The following ZDHHC18 variants were observed in gnomAD, a reference collection of about 807,000 sequenced individuals.
ZDHHC18 encodes zDHHC palmitoyltransferase 18.
Under a neutral mutation model 37.5 loss-of-function variants are expected in ZDHHC18, and 23 were observed. The ratio of observed to expected loss-of-function variants is 0.61; its 90% CI spans 0.44 to 0.87. The LOEUF (loss-of-function observed/expected upper bound fraction) is 0.87. Among genes scored for constraint, ZDHHC18 ranks in the 40% least tolerant of loss-of-function variants. The probability of loss-of-function intolerance (pLI) is 0.00; values close to 1 mark genes in which losing one functional copy is unlikely to be tolerated. For synonymous variants in ZDHHC18, 185 were observed against 218.7 expected (o/e 0.85, Z 1.36); for missense variants, 406 against 525.6 (o/e 0.77, Z 2.22).
chr1:26,848,547 T>G (rs537963714), intron 2 of ZDHHC18, 61 bp from the exon 3 acceptor site: 40 of 1,576,464 alleles, frequency 2.5e-5, no homozygotes, highest in Non-Finnish European at 3.3e-5. Context: ...TTTCCCCTGC[T>G]GGGGATCCGG....
intron 2 of ZDHHC18, among the ~76,000 whole-genome samples, chr1:26,835,123 AAG>A (rs2081605776): frequency 1.3e-5 from 2 of 152,316 alleles, no homozygotes; most frequent in African/African-American, 2.4e-5. Flanking sequence ...AAGCTGAGGG[AAG>A]AGAGAGTGGC....
rs2124265641 is a variant in ZDHHC18, at chr1:26,848,594, C to T, written c.497-14C>T. 2 of 1,604,842 alleles carry T rather than the reference C, an allele frequency of 1.2e-6. No homozygotes were observed. The highest frequency in any genetic ancestry group is 2.2e-5 in the East Asian group (1 of 44,560). On this transcript the variant is annotated splice_polypyrimidine_tract_variant and intron_variant, in intron 2 of 7. Transcript: ENST00000374142. Reference sequence around the variant, plus strand: ...CCTTGGGCATTCCCCATCTTTCTCTCCTCCTTCCCTCAGACAACACAGGCA... The same window carrying T: ...CCTTGGGCATTCCCCATCTTTCTCTTCTCCTTCCCTCAGACAACACAGGCA...
chr1:26,835,852 AGT>A (rs2081609124), intron 2 of ZDHHC18, among the ~76,000 whole-genome samples: 1 of 152,192 alleles, frequency 6.6e-6, no homozygotes, highest in South Asian at 2.1e-4. Flanking sequence ...TCATGTAGAC[AGT>A]GTGGGCTTTT....
intron 2 of ZDHHC18, among the ~76,000 whole-genome samples, chr1:26,847,133 G>C (rs2081673818): frequency 6.6e-6 from 1 of 152,058 alleles, no homozygotes; most frequent in African/African-American, 2.4e-5. Flanking sequence ...CTGACCTCAT[G>C]ATCCGCCCGC....
rs371056679 is a variant in ZDHHC18, at chr1:26,832,647, C to T, written c.496+40C>T. On this transcript the variant is annotated intron_variant, in intron 2 of 7. Transcript: ENST00000374142. ...CCCAGCTGAAGCTGGGTCTCCATAG[C>T]TCCACATTCCCTGACTTGGGAGGAG... The T allele has an allele frequency of 2.4e-4, 392 of 1,602,626 alleles. 1 individual carries two copies. Among genetic ancestry groups the T allele is most frequent in the South Asian group, 7.0e-4 (63 of 90,510 alleles).
chr1:26,830,791 G>A (rs1428980288), intron 1 of ZDHHC18, among the ~76,000 whole-genome samples: 3 of 151,904 alleles, frequency 2.0e-5, no homozygotes, highest in Non-Finnish European at 4.4e-5. Context: ...TGTTGTTGTT[G>A]TTGTTGTTGA....
At chr1:26,836,554 CTTTTT>C (rs113059850) in intron 2 of ZDHHC18, among the ~76,000 whole-genome samples, 2 of 149,060 alleles carry the variant, frequency 1.3e-5, no homozygotes, top group Middle Eastern at 3.2e-3. Context: ...ACCTTCATTT[CTTTTT>C]TTTTCTTTTT....
intron 2 of ZDHHC18, among the ~76,000 whole-genome samples, chr1:26,834,518 C>A (rs1032786963): frequency 6.6e-6 from 1 of 152,156 alleles, no homozygotes; most frequent in Admixed American, 6.5e-5. Flanking sequence ...CCTTCTTGAC[C>A]CCAGTTGGGC....
At chr1:26,840,854 C>T (rs1321396562) in intron 2 of ZDHHC18, among the ~76,000 whole-genome samples, 1 of 151,900 alleles carries the variant, frequency 6.6e-6, no homozygotes, top group Non-Finnish European at 1.5e-5. Flanking sequence ...CTAAACTTTC[C>T]CTTCAACTTT....
intron 1 of ZDHHC18, among the ~76,000 whole-genome samples, chr1:26,830,231 G>A (rs1437446772): frequency 6.6e-6 from 1 of 152,200 alleles, no homozygotes; most frequent in Non-Finnish European, 1.5e-5. Flanking sequence ...CTCCTTACCT[G>A]ATCAGGTGCT....
chr1:26,850,293 T>C lies in ZDHHC18; in HGVS notation c.647-8T>C. On this transcript the variant is annotated splice_region_variant and splice_polypyrimidine_tract_variant and intron_variant, in intron 3 of 7. Coordinates refer to ENST00000374142, the MANE Select transcript of ZDHHC18 (RefSeq NM_032283.3). The surrounding 1 kb of genome is among the most constrained non-coding windows in gnomAD (Gnocchi z 6.1). Reference sequence around the variant, plus strand: ...CACACTAACCCATCGCCCCTTGCCCTTGTCCAGAACGATTTGACCATCACT... The same window carrying C: ...CACACTAACCCATCGCCCCTTGCCCCTGTCCAGAACGATTTGACCATCACT... The C allele has an allele frequency of 6.2e-7, 1 of 1,614,010 alleles. No homozygotes were observed. The highest frequency in any genetic ancestry group is 8.5e-7 in the Non-Finnish European group (1 of 1,179,946).
At chr1:26,827,544 C>T (rs2081564335) in intron 1 of ZDHHC18, among the ~76,000 whole-genome samples, 1 of 151,970 alleles carries the variant, frequency 6.6e-6, no homozygotes, top group Non-Finnish European at 1.5e-5. Flanking sequence ...CATCCCTGGA[C>T]CATCTCTTGC....
intron 2 of ZDHHC18, among the ~76,000 whole-genome samples, chr1:26,839,108 C>G (rs761165195): frequency 7.9e-5 from 12 of 152,276 alleles, no homozygotes; most frequent in Non-Finnish European, 1.6e-4. Context: ...CTGCCTGCTC[C>G]TCTCCGAGAG....
At chr1:26,836,788 T>C (rs898562049) in intron 2 of ZDHHC18, among the ~76,000 whole-genome samples, 11 of 149,964 alleles carry the variant, frequency 7.3e-5, no homozygotes, top group African/African-American at 2.2e-4. Flanking sequence ...CAGGATGGTC[T>C]CGATCTCCTG....
chr1:26,853,813 T>G lies in ZDHHC18; in HGVS notation c.1137T>G (p.Pro379=). The G allele has an allele frequency of 6.2e-7, 1 of 1,614,022 alleles. No individual in the cohort carries two copies. Among genetic ancestry groups the G allele is most frequent in the East Asian group, 2.2e-5 (1 of 44,890 alleles). Residue 379 remains proline (P), a synonymous_variant, in exon 8 of 8, where the codon CCT becomes CCG. Coordinates refer to ENST00000374142, the MANE Select transcript of ZDHHC18 (RefSeq NM_032283.3). The stretch of plus-strand genomic sequence containing the variant: ...ATGAGCCAGCCTGCAGAGCCAAGCC[T>G]GATGCCAGCATGGTAGGAGGCCACC... ...RSDEPACRAK[P]DASMVGGHP is the part of the protein sequence containing the mutation.
chr1:26,844,092 T>C (rs71636785), intron 2 of ZDHHC18, among the ~76,000 whole-genome samples: 20,272 of 152,098 alleles, frequency 0.13, 1,473 homozygotes, highest in Non-Finnish European at 0.17. Context: ...CAGACTGGAG[T>C]GCAATGGCGT....
At chr1:26,852,682 C>T (rs2081711642) in intron 6 of ZDHHC18, 71 bp from the exon 7 acceptor site, 1 of 1,353,736 alleles carries the variant, frequency 7.4e-7, no homozygotes, top group African/African-American at 1.4e-5. Flanking sequence ...TTGTCCCCAG[C>T]CTCTAGACCT....
chr1:26,843,165 G>A (rs190673670), intron 2 of ZDHHC18, among the ~76,000 whole-genome samples: 21 of 146,236 alleles, frequency 1.4e-4, no homozygotes, highest in African/African-American at 2.8e-4. Context: ...TTTTTGAGAC[G>A]GAGTTTCGTT....
Position 26,826,726 on chromosome 1 carries a change from C to T in ZDHHC18, c.-79C>T, listed in dbSNP as rs981477231. ...GCGAGCGCCGCGCGCGCCGCCGCTG[C>T]CACCTCCGCTGCTCGGCCCGGTCCC... On this transcript the variant is annotated 5_prime_UTR_variant, in exon 1 of 8. Transcript: ENST00000374142. The surrounding 1 kb of genome is among the most constrained non-coding windows in gnomAD (Gnocchi z 5.2). The T allele has an allele frequency of 5.7e-6, 4 of 705,576 alleles. No homozygotes were observed. Among genetic ancestry groups the T allele is most frequent in the Non-Finnish European group, 6.9e-6 (4 of 576,704 alleles). 43.7% of individuals were successfully genotyped at this position (705,576 alleles called of 1,614,324 possible). A position where few individuals can be genotyped will look rare whatever the true frequency, so the allele number is the denominator to read the frequency against.
Sources: allele counts gnomAD v4.1 joint callset (sites outside exome capture counted in the v4.1 genomes callset), GRCh38; gene constraint gnomAD v4.1.1; non-coding constraint Gnocchi (gnomAD v3.1); transcripts MANE v1.5; gene names NCBI Gene and HGNC (gene_info 2026-07-23, HGNC 2026-07-21).